Variants in GALNT10 observed in about 807,000 individuals in gnomAD.
The protein encoded by GALNT10 is GalNAc transferase 10.
GALNT10 carries 41 observed loss-of-function variants against 75.0 expected under a neutral mutation model. The observed-to-expected ratio is 0.55, with a 90% confidence interval of 0.43 to 0.71. The LOEUF (loss-of-function observed/expected upper bound fraction) is 0.71. Among genes scored for constraint, GALNT10 ranks in the 30% least tolerant of loss-of-function variants. GALNT10 has a pLI of 0.00. For synonymous variants in GALNT10, 302 were observed against 313.0 expected, an observed-to-expected ratio of 0.96 and a Z score of 0.37; for missense variants, 727 against 818.5, an observed-to-expected ratio of 0.89 and a Z score of 1.36.
Position 154,416,295 on chromosome 5 carries a change from TG to T in GALNT10, c.1653+365del, listed in dbSNP as rs573617957. 7.7e-4 allele frequency among the ~76,000 whole-genome samples: 117 copies of T among 151,852 alleles called. No individual in the cohort carries two copies. The highest frequency in any genetic ancestry group is 2.7e-3 in the African/African-American group (113 of 41,386). On this transcript the variant is annotated intron_variant, in intron 11 of 11. Coordinates refer to ENST00000297107, the MANE Select transcript of GALNT10 (RefSeq NM_198321.4). The surrounding 1 kb of genome is among the most constrained non-coding windows in gnomAD (Gnocchi z 4.5). The stretch of plus-strand genomic sequence containing the variant: ...TCTCTATACAAAAATCAGCCAGACA[TG>T]GTGGCTCATGCCTGTACTCCCAGCT...
In GALNT10 at chr5:154,420,513, A is replaced by ATT. The variant is rs1756607717; in HGVS notation, c.*3545_*3546dup. The ATT allele has an allele frequency of 6.6e-6, 1 of 152,244 alleles. No individual in the cohort carries two copies. Among genetic ancestry groups the ATT allele is most frequent in the African/African-American group, 2.4e-5 (1 of 41,464 alleles). The allele number at this position is 152,244 out of a possible 1,614,324, so 9.4% of individuals were successfully genotyped here. On this transcript the variant is annotated 3_prime_UTR_variant, in exon 12 of 12. Coordinates refer to ENST00000297107, the MANE Select transcript of GALNT10 (RefSeq NM_198321.4). The stretch of plus-strand genomic sequence containing the variant: ...TTTTGTAATTCCTAGGAGGTAATGC[A>ATT]TTTTTAATGTTTTCTGAAGCTTTGT...
At chr5:154,371,303 C>T (rs1008186198) in intron 4 of GALNT10, among the ~76,000 whole-genome samples, 1 of 152,122 alleles carries the variant, frequency 6.6e-6, no homozygotes, top group African/African-American at 2.4e-5. Context: ...CTTAACATAA[C>T]TACATCTGCA....
intron 7 of GALNT10, among the ~76,000 whole-genome samples, chr5:154,399,310 C>G (rs75179235): frequency 0.067 from 10,225 of 152,276 alleles, 436 homozygotes; most frequent in Non-Finnish European, 0.097. Flanking sequence ...GCACCACCCC[C>G]CTAGCCCGTC....
In GALNT10 at chr5:154,352,211, C is replaced by A. The variant is rs567618868; in HGVS notation, c.568+22473C>A. Among the ~76,000 whole-genome samples the A allele has an allele frequency of 1.6e-4, 25 of 152,318 alleles. No individual in the cohort carries two copies. In the South Asian group the frequency reaches 3.5e-3, roughly 21 times the overall value. On this transcript the variant is annotated intron_variant, in intron 4 of 11. Transcript: ENST00000297107. The surrounding 1 kb of genome is among the most constrained non-coding windows in gnomAD (Gnocchi z 4.4). ...CCTGACCTGGGCCTCAGGGACTGTT[C>A]CCAGGCAGGGCTCACAAGGGAAGGC...
Position 154,208,419 on chromosome 5 carries a change from G to A in GALNT10, c.159+17394G>A, listed in dbSNP as rs1775143148. On this transcript the variant is annotated intron_variant, in intron 1 of 11. Transcript: ENST00000297107. ...TAAAGCCATGGATTTGCCTAGGATT[G>A]AATCCCAGCTCTGCCCTTTACTAGC... Among the ~76,000 whole-genome samples the A allele has an allele frequency of 3.3e-5, 5 of 152,162 alleles. No individual in the cohort carries two copies. The South Asian group carries it at 1.0e-3, about 32-fold the overall frequency.
Position 154,191,024 on chromosome 5 carries a change from A to T in GALNT10, c.158A>T (p.Gln53Leu). 7.0e-7 allele frequency: 1 copy of T among 1,431,930 alleles called. No individual in the cohort carries two copies. The highest frequency in any genetic ancestry group is 9.2e-7 in the Non-Finnish European group (1 of 1,085,186). 88.7% of individuals were successfully genotyped at this position (1,431,930 alleles called of 1,614,324 possible). Residue 53 changes from glutamine to leucine, a missense_variant and splice_region_variant, in exon 1 of 12, where the codon CAG (glutamine) becomes CTG (leucine). Gln to Leu is a moderately radical substitution (Grantham distance 113). Transcript: ENST00000297107. ...GCGGCGGTGGCGCCGGCGGCGGGACAGGTGAGTCCCCCCGTTGCTACAGGC... is the reference window on the plus strand; with the variant it reads ...GCGGCGGTGGCGCCGGCGGCGGGACTGGTGAGTCCCCCCGTTGCTACAGGC... ...SGAAVAPAAG[Q>L]GSHSRQKKTF... is the part of the protein sequence containing the mutation.
chr5:154,385,937 A>G (rs1755800732), intron 6 of GALNT10, among the ~76,000 whole-genome samples: 1 of 152,182 alleles, frequency 6.6e-6, no homozygotes, highest in South Asian at 2.1e-4. Flanking sequence ...AAGAGATTCT[A>G]CAACACAGAC....
At position 154,294,929 on chromosome 5, in the gene GALNT10, C is replaced by T; in HGVS notation, c.262+11C>T. On this transcript the variant is annotated intron_variant, in intron 2 of 11. Transcript: ENST00000297107. ...ACGCTCAGCGCGTAGGTACGGAGGG[C>T]AGGATTGGCCATGGGTGGGCTCTGT... is the stretch of plus-strand genomic sequence containing the variant. The T allele has an allele frequency of 1.5e-6, 2 of 1,326,156 alleles. No individual in the cohort carries two copies. Among genetic ancestry groups the T allele is most frequent in the Non-Finnish European group, 2.2e-6 (2 of 917,214 alleles). The allele number at this position is 1,326,156 out of a possible 1,614,324, so 82.1% of individuals were successfully genotyped here.
intron 2 of GALNT10, among the ~76,000 whole-genome samples, chr5:154,296,331 G>A (rs7718318): frequency 0.44 from 67,251 of 151,844 alleles, 15,665 homozygotes; most frequent in African/African-American, 0.55. Flanking sequence ...CCTGGCCTCA[G>A]GTGATCTGCC....
At chr5:154,236,002 T>C (rs945391419) in intron 1 of GALNT10, among the ~76,000 whole-genome samples, 1 of 152,214 alleles carries the variant, frequency 6.6e-6, no homozygotes. Context: ...CACAATTTGA[T>C]GTTTACATAG....
At chr5:154,255,370 C>T (rs908601119) in intron 1 of GALNT10, among the ~76,000 whole-genome samples, 1 of 152,038 alleles carries the variant, frequency 6.6e-6, no homozygotes, top group African/African-American at 2.4e-5. Context: ...AATTGCAGTG[C>T]CGGGTATAAT....
rs760733045 is a variant in GALNT10 at position 154,376,348 on chromosome 5, C to T, written c.640C>T (p.Arg214Trp). The T allele has an allele frequency of 3.7e-6, 6 of 1,611,192 alleles. No homozygotes were observed. The highest frequency in any genetic ancestry group is 4.2e-6 in the Non-Finnish European group (5 of 1,178,560). ...PSVRILRTKK[R>W]EGLIRTRMLG... ...TGTGAGGATTCTTCGAACCAAGAAA[C>T]GGGAAGGGCTGATAAGGACCCGAAT... Residue 214 changes from arginine (R) to tryptophan (W), a missense_variant, in exon 5 of 12, where the codon CGG (arginine) becomes TGG (tryptophan). Coordinates refer to ENST00000297107, the MANE Select transcript of GALNT10 (RefSeq NM_198321.4). This position sits in a 1 kb window ranked among gnomAD's most constrained non-coding sequence, Gnocchi z 4.1.
At chr5:154,383,281 C>A (rs1268943955) in intron 6 of GALNT10, among the ~76,000 whole-genome samples, 1 of 152,192 alleles carries the variant, frequency 6.6e-6, no homozygotes, top group African/African-American at 2.4e-5. Flanking sequence ...AGCAAGTGGG[C>A]AATCTACAGG....
At chr5:154,270,943 G>A (rs1213788385) in intron 1 of GALNT10, among the ~76,000 whole-genome samples, 3 of 142,946 alleles carry the variant, frequency 2.1e-5, no homozygotes, top group Non-Finnish European at 3.0e-5. Flanking sequence ...GTCGTGAGCC[G>A]AGAGCACATC....
intron 1 of GALNT10, among the ~76,000 whole-genome samples, chr5:154,222,188 AGAAATTT>A (rs1277795692): frequency 1.3e-5 from 2 of 149,952 alleles, no homozygotes; most frequent in African/African-American, 4.9e-5. Flanking sequence ...TACATTTTCT[AGAAATTT>A]GTATTGAAGG....
chr5:154,234,969 G>A (rs1390760217), intron 1 of GALNT10, among the ~76,000 whole-genome samples: 1 of 152,204 alleles, frequency 6.6e-6, no homozygotes, highest in Non-Finnish European at 1.5e-5. Flanking sequence ...GAGAGTCTAG[G>A]ATTCTGGGAC....
chr5:154,228,961 T>C (rs1044418028), intron 1 of GALNT10, among the ~76,000 whole-genome samples: 6 of 152,388 alleles, frequency 3.9e-5, no homozygotes, highest in Non-Finnish European at 8.8e-5. Flanking sequence ...TTGCTTTTGC[T>C]TTTAATTCTG....
intron 4 of GALNT10, chr5:154,356,104 G>A: frequency 2.2e-6 from 1 of 455,898 alleles, no homozygotes; most frequent in Non-Finnish European, 4.4e-6. Context: ...CATCTTCAGT[G>A]GAATCAGAAA....
intron 4 of GALNT10, among the ~76,000 whole-genome samples, chr5:154,346,326 G>T (rs1321549612): frequency 1.3e-5 from 2 of 152,142 alleles, no homozygotes; most frequent in South Asian, 4.1e-4. Flanking sequence ...CCAGAAATGA[G>T]ATTGCTGGAT....
Sources: gnomAD v4.1 joint callset for allele counts (sites outside exome capture counted in the v4.1 genomes callset) on GRCh38, gnomAD v4.1.1 for gene constraint, Gnocchi (gnomAD v3.1) non-coding constraint, MANE v1.5 for transcripts, NCBI Gene and HGNC (gene_info 2026-07-23, HGNC 2026-07-21) for gene names.